The following RAPH1 variants were observed in gnomAD, a reference collection of about 807,000 sequenced individuals.
RAPH1 encodes ras-associated and pleckstrin homology domains-containing protein 1.
Under a neutral mutation model 88.1 loss-of-function variants are expected in RAPH1, and 18 were observed. The observed-to-expected ratio is 0.20, with a 90% CI of 0.14 to 0.30. The LOEUF is 0.30. RAPH1 is among the 10% of genes least tolerant of loss of function. RAPH1 has a pLI of 1.00. For synonymous variants in RAPH1, 587 were observed against 559.0 expected, an observed-to-expected ratio of 1.05 and a Z score of -0.71; for missense variants, 1,448 against 1,543.2, an observed-to-expected ratio of 0.94 and a Z score of 1.03.
intron 10 of RAPH1, among the ~76,000 whole-genome samples, chr2:203,450,010 G>A (rs1363883529): frequency 3.5e-5 from 5 of 143,244 alleles, no homozygotes; most frequent in Non-Finnish European, 7.5e-5. Context: ...GTAACAGAGC[G>A]AGACTTCGTC....
At chr2:203,458,855 C>T (rs1002582513) in intron 7 of RAPH1, among the ~76,000 whole-genome samples, 1 of 151,908 alleles carries the variant, frequency 6.6e-6, no homozygotes, top group Non-Finnish European at 1.5e-5. Flanking sequence ...CTCCGACTCC[C>T]GGATTCACAC....
intron 10 of RAPH1, among the ~76,000 whole-genome samples, chr2:203,450,896 G>GT (rs2098514289): frequency 1.3e-5 from 2 of 149,858 alleles, no homozygotes; most frequent in African/African-American, 5.0e-5. Flanking sequence ...ACAAAAAGAG[G>GT]GTTTTTTTTT....
rs2098504853 is a variant in RAPH1 at position 203,442,151 on chromosome 2, G to A, written c.1777-738C>T. 9 of 1,457,740 alleles carry A rather than the reference G, an allele frequency of 6.2e-6. No homozygotes were observed. In the South Asian group the frequency reaches 1.1e-4, roughly 18 times the overall value. The allele number at this position is 1,457,740 out of a possible 1,614,324, so 90.3% of individuals were successfully genotyped here. On this transcript the variant is annotated intron_variant, in intron 13 of 13. Coordinates refer to ENST00000319170, the MANE Select transcript of RAPH1 (RefSeq NM_213589.3). Reference sequence around the variant, plus strand: ...ACTGTAAAAATATCATACAGAAAAAGCCAGAAGAAATTAAGAGGAAGCTCT... The same window carrying A: ...ACTGTAAAAATATCATACAGAAAAAACCAGAAGAAATTAAGAGGAAGCTCT...
At position 203,440,809 on chromosome 2, in the gene RAPH1, A is replaced by G. The variant is rs765971140; in HGVS notation, c.2381T>C (p.Val794Ala). ...TIPAPTSTKT[V>A]APVVTQAAPP... ...TGCAGCTTGAGTCACAACAGGTGCC[A>G]CAGTCTTGGTGCTGGTTGGTGCGGG... is the stretch of plus-strand genomic sequence containing the variant. The change falls in exon 14 of 14, where the codon GTG becomes GCG. Residue 794 changes from valine to alanine, a missense_variant. Val to Ala is a moderately conservative substitution (Grantham distance 64, BLOSUM62 0). Coordinates refer to ENST00000319170, the MANE Select transcript of RAPH1 (RefSeq NM_213589.3). 2.1e-5 allele frequency: 33 copies of G among 1,577,792 alleles called. No homozygotes were observed. The highest frequency in any genetic ancestry group is 8.6e-7 in the Non-Finnish European group (1 of 1,161,076).
intron 4 of RAPH1, among the ~76,000 whole-genome samples, chr2:203,473,612 A>G (rs1363260020): frequency 1.3e-5 from 2 of 152,148 alleles, no homozygotes; most frequent in African/African-American, 4.8e-5. Flanking sequence ...TTGCTCTGCT[A>G]TGGAGATCTT....
chr2:203,489,593 T>C lies in RAPH1; in HGVS notation c.723A>G (p.Pro241=). ...AGTTCCATTTATTTACCTCAGTAAT[T>C]GGCTGCCCTTGATGTGTCAAATCCA... The part of the protein sequence containing the change: ...QELDLTHQGQ[P]ITEEEQAAKL... Residue 241 remains proline, a synonymous_variant, in exon 4 of 14, where the codon CCA becomes CCG. Transcript: ENST00000319170. 2 of 1,519,304 alleles carry C rather than the reference T, an allele frequency of 1.3e-6. No homozygotes were observed. 94.1% of individuals were successfully genotyped at this position (1,519,304 alleles called of 1,614,324 possible).
At chr2:203,504,921 T>C (rs1219681618) in intron 1 of RAPH1, among the ~76,000 whole-genome samples, 1 of 152,158 alleles carries the variant, frequency 6.6e-6, no homozygotes, top group Non-Finnish European at 1.5e-5. Context: ...GAGAGTCACC[T>C]TTGCTCCAGT....
At chr2:203,442,032 G>T (rs1328292647) in intron 13 of RAPH1, 1 of 1,574,332 alleles carries the variant, frequency 6.4e-7, no homozygotes, top group African/African-American at 1.4e-5. Context: ...AACATGCACA[G>T]AAGTCCAGCA....
rs181760490 is a variant in RAPH1, at chr2:203,515,144, C to T, written c.1-19791G>A. 4.6e-5 allele frequency among the ~76,000 whole-genome samples: 7 copies of T among 152,220 alleles called. No homozygotes were observed. The East Asian group carries it at 1.3e-3, about 29-fold the overall frequency. On this transcript the variant is annotated intron_variant, in intron 1 of 13. Transcript: ENST00000319170. ...CCATCCATTATAATGAAGAAACTGA[C>T]ATTCACAGTCTCAGATAATATATTA...
chr2:203,517,858 C>A (rs1277489263), intron 1 of RAPH1, among the ~76,000 whole-genome samples: 1 of 151,984 alleles, frequency 6.6e-6, no homozygotes, highest in Non-Finnish European at 1.5e-5. Flanking sequence ...TTGTGGGATG[C>A]AACAAAAGCA....
intron 1 of RAPH1, among the ~76,000 whole-genome samples, chr2:203,534,500 C>A (rs1690524315): frequency 1.2e-5 from 1 of 84,728 alleles, no homozygotes; most frequent in African/African-American, 3.8e-5. Flanking sequence ...TGCCCCCTCC[C>A]TCCGTCCACC....
chr2:203,467,577 T>TG (rs1316884954), intron 4 of RAPH1, among the ~76,000 whole-genome samples: 1 of 151,844 alleles, frequency 6.6e-6, no homozygotes, highest in Non-Finnish European at 1.5e-5. Context: ...CCAGCCTGGG[T>TG]GACACAGCAA....
chr2:203,450,878 C>T (rs1218252931), intron 10 of RAPH1, among the ~76,000 whole-genome samples: 3 of 150,532 alleles, frequency 2.0e-5, no homozygotes, highest in South Asian at 2.1e-4. Flanking sequence ...TGCTTCCATG[C>T]GTTCTGCACA....
At chr2:203,499,922 T>A (rs1581367265) in intron 1 of RAPH1, among the ~76,000 whole-genome samples, 3 of 152,338 alleles carry the variant, frequency 2.0e-5, no homozygotes, top group African/African-American at 7.2e-5. Context: ...TCTTATAGGC[T>A]GGGCACCATC....
rs144156151 is a variant in RAPH1 at position 203,523,699 on chromosome 2, T to C, written c.-1+11412A>G. On this transcript the variant is annotated intron_variant, in intron 1 of 13. Transcript: ENST00000319170. ...GCCCAATATAAAAACTTCTGCTCTT[T>C]GAAAAACACCATTAAAAAAATACAC... is the stretch of plus-strand genomic sequence containing the variant. 1.6e-4 allele frequency among the ~76,000 whole-genome samples: 24 copies of C among 152,146 alleles called. 1 individual carries two copies. The highest frequency in any genetic ancestry group is 5.1e-4 in the African/African-American group (21 of 41,534).
Position 203,436,650 on chromosome 2 carries a change from T to A in RAPH1, c.*2787A>T, listed in dbSNP as rs1001149729. 2 of 152,196 alleles carry A rather than the reference T, an allele frequency of 1.3e-5. No individual in the cohort carries two copies. The highest frequency in any genetic ancestry group is 2.9e-5 in the Non-Finnish European group (2 of 68,044). 9.4% of individuals were successfully genotyped at this position (152,196 alleles called of 1,614,324 possible). On this transcript the variant is annotated 3_prime_UTR_variant, in exon 14 of 14. Coordinates refer to ENST00000319170, the MANE Select transcript of RAPH1 (RefSeq NM_213589.3). ...TGCCCTCAGCAGCAGGATGAGTTAA[T>A]CCATGCTGTTCACTTTTCAGTACAG...
chr2:203,455,763 C>T (rs1016026606), intron 8 of RAPH1, among the ~76,000 whole-genome samples, 183 bp from the exon 9 acceptor site: 4 of 151,776 alleles, frequency 2.6e-5, no homozygotes, highest in Non-Finnish European at 4.4e-5. Flanking sequence ...CCTGTAATCC[C>T]AGCACTTTGG....
intron 7 of RAPH1, among the ~76,000 whole-genome samples, chr2:203,458,700 C>T (rs2098521823): frequency 6.6e-6 from 1 of 152,002 alleles, no homozygotes; most frequent in South Asian, 2.1e-4. Flanking sequence ...TTTAGATCTG[C>T]AGTTGTGCAA....
intron 1 of RAPH1, among the ~76,000 whole-genome samples, chr2:203,499,959 C>G (rs930818815): frequency 4.6e-5 from 7 of 152,126 alleles, no homozygotes; most frequent in African/African-American, 1.4e-4. Context: ...AACTTAAAAC[C>G]ACATGAACAT....
Sources: allele counts gnomAD v4.1 joint callset (sites outside exome capture counted in the v4.1 genomes callset), GRCh38; gene constraint gnomAD v4.1.1; transcripts MANE v1.5; gene names NCBI Gene and HGNC (gene_info 2026-07-23, HGNC 2026-07-21).